The following MIPEP variants were observed in gnomAD, a reference collection of about 807,000 sequenced individuals.
MIPEP encodes the protein mitochondrial intermediate peptidase.
A neutral mutation model predicts 90.3 loss-of-function variants in MIPEP; 79 were observed. That is an observed-to-expected ratio of 0.87 (90% CI 0.73 to 1.05). The LOEUF is 1.05. Among genes scored for constraint, MIPEP ranks in the 50% least tolerant of loss-of-function variants. The pLI is 0.00. For missense variants in MIPEP, 940 were observed against 905.6 expected (o/e 1.04, Z -0.49); for synonymous variants, 334 against 315.8 (o/e 1.06, Z -0.61).
intron 14 of MIPEP, among the ~76,000 whole-genome samples, chr13:23,824,452 T>C (rs1953343290): frequency 6.6e-6 from 1 of 152,240 alleles, no homozygotes; most frequent in Non-Finnish European, 1.5e-5. Context: ...CTACTGCTGA[T>C]GTCCCTGGGC....
chr13:23,773,261 A>T (rs1952673129), intron 16 of MIPEP, among the ~76,000 whole-genome samples: 1 of 152,156 alleles, frequency 6.6e-6, no homozygotes, highest in African/African-American at 2.4e-5. Context: ...TGTCGCACCG[A>T]GCGTAATGTT....
At chr13:23,806,665 G>A (rs1953111021) in intron 15 of MIPEP, among the ~76,000 whole-genome samples, 2 of 150,498 alleles carry the variant, frequency 1.3e-5, no homozygotes, top group Admixed American at 1.3e-4. Flanking sequence ...GAGAGACTCC[G>A]TCTCAAAAAA....
chr13:23,860,860 C>CAACCA (rs1192472587), intron 9 of MIPEP, among the ~76,000 whole-genome samples: 1 of 94,994 alleles, frequency 1.1e-5, no homozygotes, highest in Non-Finnish European at 2.3e-5. Context: ...GATCATAGCC[C>CAACCA]AGGCTATGGC....
Position 23,886,591 on chromosome 13 carries a change from AAGG to A in MIPEP, c.190-88_190-86del, listed in dbSNP as rs57118843. On this transcript the variant is annotated intron_variant, in intron 1 of 18. Transcript: ENST00000382172. ...ATTTACTAAAATTACTTTTATCACA[AAGG>A]AGATCTTGACTTTCATTGGTGTATC... 8.0e-3 allele frequency: 9,303 copies of A among 1,166,974 alleles called. 534 individuals carry two copies. The African/African-American group carries it at 0.13, about 16-fold the overall frequency. The allele number at this position is 1,166,974 out of a possible 1,614,324, so 72.3% of individuals were successfully genotyped here.
chr13:23,858,197 A>C (rs965967422), intron 10 of MIPEP, among the ~76,000 whole-genome samples: 4 of 152,124 alleles, frequency 2.6e-5, no homozygotes, highest in Admixed American at 2.6e-4. Context: ...CTGTGAAAAG[A>C]GCTCTATTTC....
rs1410698049 is a variant in MIPEP, at chr13:23,730,330, A to G, written c.*18T>C. The G allele has an allele frequency of 6.6e-7, 1 of 1,514,592 alleles. No individual in the cohort carries two copies. Among genetic ancestry groups the G allele is most frequent in the South Asian group, 1.1e-5 (1 of 87,182 alleles). The allele number at this position is 1,514,592 out of a possible 1,614,324, so 93.8% of individuals were successfully genotyped here. ...ATTATCTACATGACCTTGATTTAAG[A>G]GGTGTAGAGTGTTTCTTTTATTCAG... On this transcript the variant is annotated 3_prime_UTR_variant, in exon 19 of 19. Coordinates refer to ENST00000382172, the MANE Select transcript of MIPEP (RefSeq NM_005932.4).
intron 18 of MIPEP, among the ~76,000 whole-genome samples, chr13:23,742,566 A>C (rs765243287): frequency 3.9e-5 from 6 of 152,362 alleles, no homozygotes; most frequent in Admixed American, 1.3e-4. Flanking sequence ...AAGATTTATG[A>C]AAACCTGCTT....
chr13:23,764,839 T>A (rs1335590934), intron 16 of MIPEP, among the ~76,000 whole-genome samples: 1 of 152,204 alleles, frequency 6.6e-6, no homozygotes, highest in Non-Finnish European at 1.5e-5. Context: ...TTACAGGTGT[T>A]AGCCACTGTG....
chr13:23,818,859 T>C (rs1384480269), intron 14 of MIPEP, among the ~76,000 whole-genome samples: 2 of 152,256 alleles, frequency 1.3e-5, no homozygotes, highest in Admixed American at 6.5e-5. Flanking sequence ...TGCCTCATTC[T>C]AATTTCTGTG....
At chr13:23,774,594 G>C (rs935069574) in intron 16 of MIPEP, among the ~76,000 whole-genome samples, 1 of 152,122 alleles carries the variant, frequency 6.6e-6, no homozygotes, top group East Asian at 1.9e-4. Flanking sequence ...ATGTTTTACA[G>C]TTTATACTTT....
chr13:23,749,951 G>A (rs985471663), intron 18 of MIPEP, among the ~76,000 whole-genome samples: 10 of 151,842 alleles, frequency 6.6e-5, no homozygotes, highest in Non-Finnish European at 1.3e-4. Context: ...TCTCACCTCC[G>A]TGCCCCTCCC....
intron 16 of MIPEP, among the ~76,000 whole-genome samples, chr13:23,767,982 C>T (rs976330090): frequency 2.0e-5 from 3 of 152,128 alleles, no homozygotes; most frequent in Non-Finnish European, 2.9e-5. Flanking sequence ...TGCCCCGAGG[C>T]GTGTGGCTGT....
chr13:23,778,297 TAAAG>T (rs1219110191), intron 16 of MIPEP, among the ~76,000 whole-genome samples: 3 of 152,228 alleles, frequency 2.0e-5, no homozygotes. Context: ...TAATGTATGT[TAAAG>T]AAAGCAAATA....
intron 16 of MIPEP, among the ~76,000 whole-genome samples, chr13:23,774,908 C>T (rs886694908): frequency 1.3e-5 from 2 of 150,298 alleles, no homozygotes; most frequent in African/African-American, 2.5e-5. Context: ...AATTCTCCTG[C>T]CTCAGCCTCC....
intron 9 of MIPEP, among the ~76,000 whole-genome samples, chr13:23,860,267 G>A (rs1870231608): frequency 6.6e-6 from 1 of 152,230 alleles, no homozygotes; most frequent in Non-Finnish European, 1.5e-5. Flanking sequence ...GATAGAAGCA[G>A]TTAATCCAGA....
At chr13:23,836,889 C>G (rs1869078480) in intron 13 of MIPEP, among the ~76,000 whole-genome samples, 1 of 152,192 alleles carries the variant, frequency 6.6e-6, no homozygotes, top group South Asian at 2.1e-4. Flanking sequence ...TTCAGCCCAC[C>G]TACAGTCTTT....
intron 16 of MIPEP, among the ~76,000 whole-genome samples, chr13:23,805,645 A>G (rs952271743): frequency 6.6e-6 from 1 of 152,212 alleles, no homozygotes; most frequent in Non-Finnish European, 1.5e-5. Flanking sequence ...TTCATCTTAC[A>G]TCACTATTTT....
intron 2 of MIPEP, 90 bp downstream of exon 2, chr13:23,886,243 T>G: frequency 2.9e-6 from 3 of 1,029,338 alleles, no homozygotes; most frequent in Non-Finnish European, 2.6e-6. Flanking sequence ...TATAATCTAA[T>G]ATTAATAGTA....
chr13:23,770,900 T>C lies in MIPEP; in HGVS notation c.1849-10683A>G, dbSNP rs552425546. ...CGTGGCAGCGAGGGCCTGCCCTGTG[T>C]CTTGTGCGTGCTCACCACCCTTTCC... On this transcript the variant is annotated intron_variant, in intron 16 of 18. Coordinates refer to ENST00000382172, the MANE Select transcript of MIPEP (RefSeq NM_005932.4). Among the ~76,000 whole-genome samples the C allele has an allele frequency of 3.3e-5, 5 of 152,332 alleles. 1 individual carries two copies. In the South Asian group the frequency reaches 1.0e-3, roughly 32 times the overall value.
Sources: allele counts gnomAD v4.1 joint callset (sites outside exome capture counted in the v4.1 genomes callset), GRCh38; gene constraint gnomAD v4.1.1; transcripts MANE v1.5; gene names NCBI Gene and HGNC (gene_info 2026-07-23, HGNC 2026-07-21).